The following CCR9 variants were observed in gnomAD, a reference collection of about 807,000 sequenced individuals.
CCR9 encodes the protein C-C chemokine receptor type 9.
CCR9 carries 4 observed loss-of-function variants against 8.7 expected under a neutral mutation model. That is an observed-to-expected ratio of 0.46 (90% CI 0.23 to 1.06). CCR9 has a LOEUF of 1.06. Among genes scored for constraint, CCR9 ranks in the 50% least tolerant of loss-of-function variants. CCR9 has a pLI of 0.21. For missense variants in CCR9, 394 were observed against 453.6 expected, an observed-to-expected ratio of 0.87 and a Z score of 1.19; for synonymous variants, 159 against 168.8, an observed-to-expected ratio of 0.94 and a Z score of 0.45.
intron 2 of CCR9, among the ~76,000 whole-genome samples, chr3:45,898,867 T>C (rs1448115301): frequency 6.6e-6 from 1 of 152,164 alleles, no homozygotes; most frequent in African/African-American, 2.4e-5. Flanking sequence ...AATGTGCAAT[T>C]AAAATAAAAC....
chr3:45,897,569 AG>A, intron 2 of CCR9: 19 of 1,535,386 alleles, frequency 1.2e-5, no homozygotes, highest in Non-Finnish European at 1.6e-5. Context: ...AGTCTCCTCC[AG>A]GCCCCGCTCC....
chr3:45,893,159 T>C (rs1015367190), intron 1 of CCR9, among the ~76,000 whole-genome samples: 7 of 145,412 alleles, frequency 4.8e-5, no homozygotes, highest in South Asian at 2.2e-4. Context: ...CTCTCTCTCT[T>C]TTTTTTTTTG....
At chr3:45,895,198 C>A in intron 2 of CCR9, 1 of 543,898 alleles carries the variant, frequency 1.8e-6, no homozygotes, top group Non-Finnish European at 3.3e-6. Flanking sequence ...GTGTTATAAA[C>A]AGCTAAGGAT....
At position 45,902,179 on chromosome 3, in the gene CCR9, C is replaced by T. The variant is rs199982423; in HGVS notation, c.*281C>T. On this transcript the variant is annotated 3_prime_UTR_variant, in exon 3 of 3. Transcript: ENST00000357632. ...GGAGCACCCTGGCTTTGCCACTCGC[C>T]GGAGCATCAATGCCGCTGCCTCTGG... 1.4e-4 allele frequency: 45 copies of T among 319,028 alleles called. No homozygotes were observed. Among genetic ancestry groups the T allele is most frequent in the Non-Finnish European group, 1.9e-4 (31 of 165,446 alleles). 19.8% of individuals were successfully genotyped at this position (319,028 alleles called of 1,614,324 possible).
intron 1 of CCR9, among the ~76,000 whole-genome samples, chr3:45,890,166 T>C (rs1702104145): frequency 6.8e-6 from 1 of 146,492 alleles, no homozygotes; most frequent in Non-Finnish European, 1.5e-5. Flanking sequence ...TTGTGGTTTC[T>C]TTCTTTGGGA....
intron 2 of CCR9, 134 bp downstream of exon 2, chr3:45,895,088 T>A (rs1478443084): frequency 1.1e-6 from 1 of 929,646 alleles, no homozygotes; most frequent in African/African-American, 1.6e-5. Flanking sequence ...TGCCTGGCAA[T>A]GCGCATTGCT....
rs982964166 is a variant in CCR9 at position 45,900,561 on chromosome 3, A to G, written c.22-249A>G. 1.3e-5 allele frequency among the ~76,000 whole-genome samples: 2 copies of G among 152,214 alleles called. No homozygotes were observed. Among genetic ancestry groups the G allele is most frequent in the Non-Finnish European group, 2.9e-5 (2 of 68,044 alleles). On this transcript the variant is annotated intron_variant, in intron 2 of 2. Transcript: ENST00000357632. The surrounding 1 kb of genome is among the most constrained non-coding windows in gnomAD (Gnocchi z 4.7). ...AAGTTTCCTGAGAGTGAAGCCACAC[A>G]TCTGACTTATTTATTATGGTTTCTT...
At chr3:45,889,771 C>T (rs1474305772) in intron 1 of CCR9, among the ~76,000 whole-genome samples, 1 of 151,680 alleles carries the variant, frequency 6.6e-6, no homozygotes, top group Non-Finnish European at 1.5e-5. Flanking sequence ...TCTTTTCTAT[C>T]AGCATGAGGA....
intron 2 of CCR9, among the ~76,000 whole-genome samples, chr3:45,898,157 T>C (rs1279085328): frequency 6.6e-6 from 1 of 152,188 alleles, no homozygotes; most frequent in Admixed American, 6.5e-5. Context: ...AAACCTGCTG[T>C]GATGTCCACT....
chr3:45,902,300 G>A lies in CCR9; in HGVS notation c.*402G>A, dbSNP rs1291936480. 1.1e-5 allele frequency: 2 copies of A among 180,134 alleles called. No homozygotes were observed. Among genetic ancestry groups the A allele is most frequent in the African/African-American group, 4.8e-5 (2 of 41,904 alleles). 11.2% of individuals were successfully genotyped at this position (180,134 alleles called of 1,614,324 possible). ...AGGGGACACAGAAGCACTGGCTGCT[G>A]CTACAGACCGCAAAAGCAGAAAGTT... On this transcript the variant is annotated 3_prime_UTR_variant, in exon 3 of 3. Coordinates refer to ENST00000357632, the MANE Select transcript of CCR9 (RefSeq NM_031200.3).
At chr3:45,895,935 G>A (rs1467464373) in intron 2 of CCR9, among the ~76,000 whole-genome samples, 8 of 152,272 alleles carry the variant, frequency 5.3e-5, no homozygotes, top group African/African-American at 1.9e-4. Flanking sequence ...CCTAGCAGGC[G>A]GGCTAACAAA....
intron 1 of CCR9, among the ~76,000 whole-genome samples, chr3:45,889,677 T>C (rs1702087441): frequency 6.6e-6 from 1 of 151,922 alleles, no homozygotes; most frequent in Non-Finnish European, 1.5e-5. Flanking sequence ...GCAGTGTATG[T>C]CTTTTTCTAT....
intron 2 of CCR9, 123 bp downstream of exon 2, chr3:45,895,077 C>T: frequency 3.7e-6 from 4 of 1,074,582 alleles, no homozygotes; most frequent in Non-Finnish European, 5.8e-6. Context: ...GGTAAGATCT[C>T]TGCCTGGCAA....
intron 1 of CCR9, among the ~76,000 whole-genome samples, chr3:45,889,490 C>CT (rs980929361): frequency 3.4e-4 from 50 of 148,756 alleles, no homozygotes; most frequent in African/African-American, 5.9e-4. Context: ...GCTTCTTCTT[C>CT]TTTTTTTTTT....
intron 1 of CCR9, among the ~76,000 whole-genome samples, chr3:45,893,506 C>T (rs1469545198): frequency 6.6e-6 from 1 of 152,176 alleles, no homozygotes; most frequent in Non-Finnish European, 1.5e-5. Flanking sequence ...TTCTGCTTTC[C>T]GTCAGTATAG....
chr3:45,891,880 A>T (rs1702190014), intron 1 of CCR9, among the ~76,000 whole-genome samples: 1 of 151,960 alleles, frequency 6.6e-6, no homozygotes, highest in African/African-American at 2.4e-5. Flanking sequence ...TCATTCTTTG[A>T]TTTAGGTTGA....
chr3:45,892,704 C>T (rs1278411591), intron 1 of CCR9, among the ~76,000 whole-genome samples: 2 of 152,048 alleles, frequency 1.3e-5, no homozygotes, highest in Admixed American at 6.6e-5. Context: ...CACATATACC[C>T]CTGAAGCTAA....
Position 45,901,964 on chromosome 3 carries a change from T to A in CCR9, c.*66T>A. 7.7e-7 allele frequency: 1 copy of A among 1,297,694 alleles called. No homozygotes were observed. Among genetic ancestry groups the A allele is most frequent in the South Asian group, 1.4e-5 (1 of 69,032 alleles). 80.4% of individuals were successfully genotyped at this position (1,297,694 alleles called of 1,614,324 possible). A position where few individuals can be genotyped will look rare whatever the true frequency, so the allele number is the denominator to read the frequency against. The stretch of plus-strand genomic sequence containing the variant: ...AGAAATACAGAAACAGTTTCCCCAC[T>A]GATGGGACCAGAGAGAGTGAAAGAG... On this transcript the variant is annotated 3_prime_UTR_variant, in exon 3 of 3. Transcript: ENST00000357632. The surrounding 1 kb of genome is among the most constrained non-coding windows in gnomAD (Gnocchi z 4.3).
At chr3:45,889,161 T>G (rs1702069767) in intron 1 of CCR9, among the ~76,000 whole-genome samples, 1 of 149,208 alleles carries the variant, frequency 6.7e-6, no homozygotes, top group Non-Finnish European at 1.5e-5. Flanking sequence ...ATTTTTAAAT[T>G]TTTTGTAGAG....
Sources: gnomAD v4.1 joint callset for allele counts (sites outside exome capture counted in the v4.1 genomes callset) on GRCh38, gnomAD v4.1.1 for gene constraint, Gnocchi (gnomAD v3.1) non-coding constraint, MANE v1.5 for transcripts, NCBI Gene and HGNC (gene_info 2026-07-23, HGNC 2026-07-21) for gene names.